CPAMD8: variants seen among roughly 807,000 people sequenced by gnomAD.
The protein encoded by CPAMD8 is C3 and PZP like alpha-2-macroglobulin domain containing 8, also known as C3 and PZP-like alpha-2-macroglobulin domain-containing protein 8.
CPAMD8 carries 146 observed loss-of-function variants against 224.7 expected under a neutral mutation model. That is an observed-to-expected ratio of 0.65 (90% CI 0.57 to 0.75). The LOEUF is 0.75. Among genes scored for constraint, CPAMD8 ranks in the 30% least tolerant of loss-of-function variants. The pLI is 0.00. For synonymous variants in CPAMD8, 966 were observed against 1,044.6 expected (o/e 0.92, Z 1.45); for missense variants, 2,301 against 2,537.5 (o/e 0.91, Z 2.00).
chr19:16,936,032 A>G (rs572752680), intron 23 of CPAMD8, among the ~76,000 whole-genome samples: 5 of 151,956 alleles, frequency 3.3e-5, no homozygotes, highest in Admixed American at 2.0e-4. Flanking sequence ...GGGTCAAGCA[A>G]TCCTCCCTCC....
At chr19:16,906,398 C>CT (rs1568459778) in intron 30 of CPAMD8, among the ~76,000 whole-genome samples, 1 of 98,716 alleles carries the variant, frequency 1.0e-5, no homozygotes, top group South Asian at 3.3e-4. Flanking sequence ...TTCTTTCTTT[C>CT]TTTCTTTCTT....
intron 10 of CPAMD8, among the ~76,000 whole-genome samples, chr19:16,999,613 A>G (rs943270068): frequency 2.6e-5 from 4 of 151,568 alleles, no homozygotes; most frequent in South Asian, 2.1e-4. Context: ...AAAGAAAACC[A>G]TCAAGCTGTA....
intron 22 of CPAMD8, among the ~76,000 whole-genome samples, chr19:16,943,008 TTTC>T (rs374437789): frequency 0.2 from 26,137 of 132,452 alleles, 2,600 homozygotes; most frequent in African/African-American, 0.26. Flanking sequence ...TTTTTTCTTT[TTTC>T]TTTTTTTTTT....
In CPAMD8 at chr19:16,921,826, G is replaced by C. The variant is rs2053185332; in HGVS notation, c.3629+79C>G. The C allele has an allele frequency of 1.4e-5, 13 of 905,048 alleles. 1 individual carries two copies. In the South Asian group the frequency reaches 1.9e-4, roughly 13 times the overall value. The allele number at this position is 905,048 out of a possible 1,614,324, so 56.1% of individuals were successfully genotyped here. A position where few individuals can be genotyped will look rare whatever the true frequency, so the allele number is the denominator to read the frequency against. On this transcript the variant is annotated intron_variant, in intron 27 of 41. Transcript: ENST00000443236. ...CCGGGGATCAGGCGCCAAGTGATCTGGTCACACTGCATTGGATGTGAGGCC... is the reference window on the plus strand; with the variant it reads ...CCGGGGATCAGGCGCCAAGTGATCTCGTCACACTGCATTGGATGTGAGGCC...
intron 11 of CPAMD8, among the ~76,000 whole-genome samples, chr19:16,996,430 G>A (rs1022263110): frequency 2.0e-5 from 3 of 152,092 alleles, no homozygotes; most frequent in Non-Finnish European, 2.9e-5. Context: ...GCAGAGGCTC[G>A]TTCAAAATGT....
chr19:16,934,649 A>C (rs1027943113), intron 23 of CPAMD8, among the ~76,000 whole-genome samples: 8 of 152,214 alleles, frequency 5.3e-5, no homozygotes, highest in African/African-American at 1.9e-4. Flanking sequence ...ATGTTAAAAC[A>C]AACAATAATC....
chr19:16,958,426 C>T (rs1307092999), intron 18 of CPAMD8, among the ~76,000 whole-genome samples: 1 of 152,206 alleles, frequency 6.6e-6, no homozygotes, highest in Non-Finnish European at 1.5e-5. Flanking sequence ...CCAGCTCCAT[C>T]CATGTTTCCA....
chr19:16,917,924 G>A (rs1360676169), intron 27 of CPAMD8, among the ~76,000 whole-genome samples: 1 of 152,180 alleles, frequency 6.6e-6, no homozygotes, highest in East Asian at 1.9e-4. Flanking sequence ...GAAATCCACT[G>A]ATGCTCAAGT....
chr19:16,897,853 C>A, intron 38 of CPAMD8, 36 bp downstream of exon 38: 3 of 1,580,264 alleles, frequency 1.9e-6, no homozygotes, highest in Non-Finnish European at 2.6e-6. Flanking sequence ...GGGTCAGGGA[C>A]CGGGCCGGGC....
chr19:16,978,980 C>T lies in CPAMD8; in HGVS notation c.1586-1440G>A, dbSNP rs2055385500. On this transcript the variant is annotated intron_variant, in intron 14 of 41. Transcript: ENST00000443236. ...CATCATCCACCCACCCATCCACCATCCAATCATCTATCCATCTGTTCATCC... is the reference window on the plus strand; with the variant it reads ...CATCATCCACCCACCCATCCACCATTCAATCATCTATCCATCTGTTCATCC... Among the ~76,000 whole-genome samples, 3 of 151,178 alleles carry T rather than the reference C, an allele frequency of 2.0e-5. 1 individual carries two copies. In the South Asian group the frequency reaches 6.3e-4, roughly 32 times the overall value.
At chr19:16,989,105 T>C (rs1481695814) in intron 13 of CPAMD8, among the ~76,000 whole-genome samples, 6 of 152,224 alleles carry the variant, frequency 3.9e-5, no homozygotes, top group Non-Finnish European at 8.8e-5. Flanking sequence ...TGGTGAGTTG[T>C]ATCATTGTTT....
intron 3 of CPAMD8, among the ~76,000 whole-genome samples, chr19:17,015,957 G>A (rs1468117827): frequency 6.6e-6 from 1 of 152,162 alleles, no homozygotes; most frequent in African/African-American, 2.4e-5. Flanking sequence ...TTCTTTCCGT[G>A]TTTAAAGACA....
At chr19:16,979,185 T>A (rs1440962210) in intron 14 of CPAMD8, among the ~76,000 whole-genome samples, 4 of 150,184 alleles carry the variant, frequency 2.7e-5, no homozygotes, top group African/African-American at 9.8e-5. Context: ...CATCCATTCA[T>A]CTATTCATCC....
intron 41 of CPAMD8, chr19:16,895,856 A>C: frequency 1.9e-6 from 1 of 515,700 alleles, no homozygotes. Context: ...TCCCCCCAGC[A>C]TTTCGGATAA....
Position 16,896,302 on chromosome 19 carries a change from G to T in CPAMD8, c.5300C>A (p.Ser1767Tyr), listed in dbSNP as rs1005007510. 3 of 1,610,546 alleles carry T rather than the reference G, an allele frequency of 1.9e-6. No individual in the cohort carries two copies. The highest frequency in any genetic ancestry group is 2.5e-6 in the Non-Finnish European group (3 of 1,178,702). The change falls in exon 41 of 42, where the codon TCC (serine) becomes TAC (tyrosine). Residue 1767 changes from serine to tyrosine, a missense_variant. Ser to Tyr is a moderately radical substitution (Grantham distance 144, BLOSUM62 -2). Around this residue, in one of 4 missense-constraint regions of CPAMD8, gnomAD observed 1,709 missense variants for 1,753.2 expected, o/e 0.97. Transcript: ENST00000443236. ...AGCCAGGTCATCCCCGTAGGTGGAG[G>T]ACGACGAGGCCGGCAGCCGCTGCTC... ...ALEQRLPASS[S>Y]STYGDDLASV... is the part of the protein sequence containing the mutation.
chr19:16,972,452 A>G (rs76141310), intron 17 of CPAMD8, among the ~76,000 whole-genome samples: 5 of 151,186 alleles, frequency 3.3e-5, no homozygotes, highest in Non-Finnish European at 5.9e-5. Context: ...TTTTTTTTTT[A>G]GACGGAGTCT....
chr19:16,987,152 C>CAAAAAAAAAAAA (rs1214757739), intron 13 of CPAMD8, among the ~76,000 whole-genome samples: 4 of 23,006 alleles, frequency 1.7e-4, no homozygotes, highest in Non-Finnish European at 2.5e-4. Flanking sequence ...GAGACTCTGT[C>CAAAAAAAAAAAA]AAAAAAAAAA....
At chr19:16,977,782 A>C (rs2122726318) in intron 14 of CPAMD8, among the ~76,000 whole-genome samples, 1 of 152,234 alleles carries the variant, frequency 6.6e-6, no homozygotes, top group East Asian at 1.9e-4. Context: ...ATTTGCCTAG[A>C]ATCATCCTCT....
In CPAMD8 at chr19:16,903,631, C is replaced by T. The variant is rs745821229; in HGVS notation, c.4408-8G>A. 2.5e-6 allele frequency: 4 copies of T among 1,614,106 alleles called. No homozygotes were observed. The highest frequency in any genetic ancestry group is 3.4e-6 in the Non-Finnish European group (4 of 1,180,010). On this transcript the variant is annotated splice_polypyrimidine_tract_variant and splice_region_variant and intron_variant, in intron 33 of 41. Coordinates refer to ENST00000443236, the MANE Select transcript of CPAMD8 (RefSeq NM_015692.5). Reference sequence around the variant, plus strand: ...CGTGGGGAGGCTGGGGATCTGGAGACAGAAGTCACCGTGAGGCCCTGCTGA... The same window carrying T: ...CGTGGGGAGGCTGGGGATCTGGAGATAGAAGTCACCGTGAGGCCCTGCTGA...
Sources: gnomAD v4.1 joint callset for allele counts (sites outside exome capture counted in the v4.1 genomes callset) on GRCh38, gnomAD v4.1.1 for gene constraint, gnomAD v4.1.1 regional missense constraint, MANE v1.5 for transcripts, NCBI Gene and HGNC (gene_info 2026-07-23, HGNC 2026-07-21) for gene names.